The following STAT5B variants were observed in gnomAD, a reference collection of about 807,000 sequenced individuals.
STAT5B encodes the protein transcription factor STAT5B.
Under a neutral mutation model 107.8 loss-of-function variants are expected in STAT5B, and 21 were observed. That is an observed-to-expected ratio of 0.19 (90% CI 0.14 to 0.28). STAT5B has a LOEUF of 0.28. Ranked by LOEUF, STAT5B falls within the 10% of genes least tolerant of loss-of-function variation. The pLI is 1.00. For missense variants in STAT5B, 565 were observed against 1,008.2 expected (o/e 0.56, Z 5.95); for synonymous variants, 325 against 401.7 (o/e 0.81, Z 2.28).
At chr17:42,257,595 T>C (rs2080557368) in intron 1 of STAT5B, among the ~76,000 whole-genome samples, 1 of 152,204 alleles carries the variant, frequency 6.6e-6, no homozygotes, top group African/African-American at 2.4e-5. Flanking sequence ...ATTTACAGGA[T>C]AACTTTCATG....
At chr17:42,279,688 C>A (rs1022298081), upstream of STAT5B, among the ~76,000 whole-genome samples, 7 of 152,038 alleles carry the variant, frequency 4.6e-5, no homozygotes, top group Non-Finnish European at 1.0e-4. Context: ...GTAATCCCAG[C>A]TACTTGGGAG....
chr17:42,214,870 C>T (rs568478521), intron 12 of STAT5B, among the ~76,000 whole-genome samples: 67 of 152,194 alleles, frequency 4.4e-4, no homozygotes, highest in African/African-American at 1.3e-3. Flanking sequence ...CCGCCTCAGC[C>T]CCCCCCAAGT....
At chr17:42,243,689 A>C (rs916134264) in intron 1 of STAT5B, among the ~76,000 whole-genome samples, 24 of 152,140 alleles carry the variant, frequency 1.6e-4, no homozygotes, top group African/African-American at 5.6e-4. Flanking sequence ...CACTTTTTTC[A>C]AAATCAAAAT....
rs553405646 is a variant in STAT5B at position 42,235,728 on chromosome 17, G to A, written c.-10-3591C>T. 6.6e-5 allele frequency among the ~76,000 whole-genome samples: 10 copies of A among 152,200 alleles called. No homozygotes were observed. In the East Asian group the frequency reaches 1.9e-3, roughly 29 times the overall value. On this transcript the variant is annotated intron_variant, in intron 1 of 18. Coordinates refer to ENST00000293328, the MANE Select transcript of STAT5B (RefSeq NM_012448.4). ...CCTGACCTCGTGATCTGCCCTCCTC[G>A]GCCTCCCAAAGTGCTGGGATTACAG... is the stretch of plus-strand genomic sequence containing the variant.
intron 16 of STAT5B, among the ~76,000 whole-genome samples, chr17:42,205,096 T>C (rs911563077): frequency 1.8e-4 from 28 of 152,246 alleles, no homozygotes; most frequent in African/African-American, 6.5e-4. Flanking sequence ...GGTGTGATCT[T>C]GGCTCACTGC....
chr17:42,230,334 T>C (rs2080307613), intron 2 of STAT5B, among the ~76,000 whole-genome samples: 1 of 152,212 alleles, frequency 6.6e-6, no homozygotes, highest in South Asian at 2.1e-4. Context: ...TCTCAGGGAC[T>C]GTCAAAGAGG....
chr17:42,286,215 G>A, the STAT5B span, among the ~76,000 whole-genome samples: 6 of 128,976 alleles, frequency 4.7e-5, no homozygotes, highest in East Asian at 4.6e-4. Flanking sequence ...TCTGGGCAAC[G>A]AGAGCGAAAC....
chr17:42,216,619 C>A (rs1041921684), intron 11 of STAT5B, among the ~76,000 whole-genome samples: 1 of 152,116 alleles, frequency 6.6e-6, no homozygotes, highest in African/African-American at 2.4e-5. Flanking sequence ...CTCAAGCAAT[C>A]CTCCTGCCTT....
At chr17:42,225,065 C>CT (rs917647207) in intron 3 of STAT5B, among the ~76,000 whole-genome samples, 197 bp from the exon 4 acceptor site, 1 of 151,848 alleles carries the variant, frequency 6.6e-6, no homozygotes, top group Non-Finnish European at 1.5e-5. Context: ...CTTCTTTTTT[C>CT]TTTTTTTGAG....
At chr17:42,274,281 CAAAAAAAAAA>C (rs534342062) in intron 1 of STAT5B, among the ~76,000 whole-genome samples, 99 of 62,522 alleles carry the variant, frequency 1.6e-3, no homozygotes, top group African/African-American at 4.3e-3. Flanking sequence ...GTTTGCTTTA[CAAAAAAAAAA>C]AAAAAAAAAA....
Position 42,201,907 on chromosome 17 carries a change from G to A in STAT5B, c.2238-43C>T, listed in dbSNP as rs199962840. 1.8e-5 allele frequency: 28 copies of A among 1,599,210 alleles called. No homozygotes were observed. The East Asian group carries it at 5.6e-4, about 32-fold the overall frequency. On this transcript the variant is annotated intron_variant, in intron 18 of 18. Coordinates refer to ENST00000293328, the MANE Select transcript of STAT5B (RefSeq NM_012448.4). ...AGGGATGAAGGGAAGGGGAAAGCCT[G>A]CCAGAGACCACCCCAAGCCCCACAG...
At chr17:42,261,852 G>A (rs1476799238) in intron 1 of STAT5B, among the ~76,000 whole-genome samples, 1 of 152,126 alleles carries the variant, frequency 6.6e-6, no homozygotes, top group Non-Finnish European at 1.5e-5. Flanking sequence ...GGGCCACCAT[G>A]CCCAGCCAGA....
intron 1 of STAT5B, among the ~76,000 whole-genome samples, chr17:42,241,789 A>G (rs972512847): frequency 5.9e-5 from 9 of 152,172 alleles, no homozygotes; most frequent in Non-Finnish European, 1.3e-4. Flanking sequence ...TAGCAGCAAT[A>G]AAGGATTAAG....
intron 1 of STAT5B, among the ~76,000 whole-genome samples, chr17:42,266,040 G>A (rs2080668330): frequency 6.6e-6 from 1 of 151,932 alleles, no homozygotes. Flanking sequence ...CTTAGCTTTG[G>A]TTTCTGGCAT....
chr17:42,222,483 G>T (rs1041467092), intron 5 of STAT5B, among the ~76,000 whole-genome samples: 2 of 152,088 alleles, frequency 1.3e-5, no homozygotes, highest in Admixed American at 6.6e-5. Context: ...GTGAATAACT[G>T]CATAGAACAT....
chr17:42,260,441 C>T (rs1313131679), intron 1 of STAT5B, among the ~76,000 whole-genome samples: 1 of 152,074 alleles, frequency 6.6e-6, no homozygotes, highest in African/African-American at 2.4e-5. Flanking sequence ...CAGGGTCTCA[C>T]TCTGTTGCCC....
At chr17:42,238,451 CTTTT>C (rs75642417) in intron 1 of STAT5B, among the ~76,000 whole-genome samples, 2 of 124,842 alleles carry the variant, frequency 1.6e-5, no homozygotes, top group Non-Finnish European at 1.7e-5. Flanking sequence ...TGTGCCTGGC[CTTTT>C]TTTTTTTTTT....
At position 42,242,349 on chromosome 17, in the gene STAT5B, C is replaced by T. The variant is rs117770911; in HGVS notation, c.-10-10212G>A. Reference sequence around the variant, plus strand: ...CACAGCTACTAAAACCATTAGGTGACAGTTGTTGGGGAACAGCATTTAGTC... The same window carrying T: ...CACAGCTACTAAAACCATTAGGTGATAGTTGTTGGGGAACAGCATTTAGTC... On this transcript the variant is annotated intron_variant, in intron 1 of 18. Coordinates refer to ENST00000293328, the MANE Select transcript of STAT5B (RefSeq NM_012448.4). Among the ~76,000 whole-genome samples the T allele has an allele frequency of 6.8e-3, 1,036 of 152,248 alleles. 6 individuals carry two copies. Among genetic ancestry groups the T allele is most frequent in the Non-Finnish European group, 0.01 (698 of 68,020 alleles).
chr17:42,238,418 C>T (rs1464096923), intron 1 of STAT5B, among the ~76,000 whole-genome samples: 3 of 145,216 alleles, frequency 2.1e-5, no homozygotes, highest in African/African-American at 7.7e-5. Flanking sequence ...CCCCAGAGTG[C>T]TGGGATTAGA....
Sources: gnomAD v4.1 joint callset for allele counts (sites outside exome capture counted in the v4.1 genomes callset) on GRCh38, gnomAD v4.1.1 for gene constraint, MANE v1.5 for transcripts, NCBI Gene and HGNC (gene_info 2026-07-23, HGNC 2026-07-21) for gene names.